RPS6KA2: variants seen among roughly 807,000 people sequenced by gnomAD.
RPS6KA2 encodes the protein ribosomal protein S6 kinase A2.
In RPS6KA2, 42 loss-of-function variants were observed where a neutral mutation model predicts 91.8. That is an observed-to-expected ratio of 0.46 (90% CI 0.36 to 0.59). The LOEUF (loss-of-function observed/expected upper bound fraction) is 0.59, where lower values mean the gene tolerates loss of function less well. Ranked by LOEUF, RPS6KA2 falls within the 20% of genes least tolerant of loss-of-function variation. RPS6KA2 has a pLI of 0.00. For synonymous variants in RPS6KA2, 414 were observed against 393.6 expected, an observed-to-expected ratio of 1.05 and a Z score of -0.61; for missense variants, 798 against 978.5, an observed-to-expected ratio of 0.82 and a Z score of 2.46.
At chr6:166,591,846 C>T (rs1053454211) in intron 1 of RPS6KA2, among the ~76,000 whole-genome samples, 15 of 152,202 alleles carry the variant, frequency 9.9e-5, no homozygotes, top group Admixed American at 9.2e-4. Flanking sequence ...TGGCCACCTT[C>T]AAGCCTGTGT....
intron 2 of RPS6KA2, among the ~76,000 whole-genome samples, chr6:166,660,422 G>C (rs1483526496): frequency 6.6e-6 from 1 of 151,562 alleles, no homozygotes. Context: ...GTGTGTGTGT[G>C]AGAGAGAGAG....
At position 166,648,171 on chromosome 6, in the gene RPS6KA2, TGCTC is replaced by T. The variant is rs1787719616; in HGVS notation, c.124-109391_124-109388del. 1.2e-5 allele frequency among the ~76,000 whole-genome samples: 1 copy of T among 80,892 alleles called. No homozygotes were observed. The highest frequency in any genetic ancestry group is 2.6e-5 in the Non-Finnish European group (1 of 38,746). 53.1% of individuals were successfully genotyped at this position (80,892 alleles called of 152,430 possible). On this transcript the variant is annotated intron_variant, in intron 2 of 21. Coordinates refer to the RPS6KA2 transcript ENST00000503859. The surrounding 1 kb of genome is among the most constrained non-coding windows in gnomAD (Gnocchi z 4.8). ...ACATGGTTACACACCCATGCACACATGCTCACACACATGCACACATGCTCATACA... is the reference window on the plus strand; with the variant it reads ...ACATGGTTACACACCCATGCACACATACACACATGCACACATGCTCATACA...
chr6:166,515,945 T>A (rs141428382), intron 3 of RPS6KA2, among the ~76,000 whole-genome samples: 1 of 152,340 alleles, frequency 6.6e-6, no homozygotes, highest in East Asian at 1.9e-4. Context: ...CCTTCCCCGC[T>A]GAAGACTGGA....
chr6:166,727,396 T>G (rs999390751), intron 2 of RPS6KA2, among the ~76,000 whole-genome samples: 1 of 151,830 alleles, frequency 6.6e-6, no homozygotes, highest in Non-Finnish European at 1.5e-5. Flanking sequence ...TTCCTGAGGT[T>G]TGGAAGATGG....
chr6:166,649,219 G>T (rs141058352), intron 2 of RPS6KA2, among the ~76,000 whole-genome samples: 1 of 151,906 alleles, frequency 6.6e-6, no homozygotes, highest in Non-Finnish European at 1.5e-5. Flanking sequence ...CTGCCCCTGC[G>T]CCCGTCTGCG....
Position 166,714,652 on chromosome 6 carries a change from G to T in RPS6KA2, c.123+143548C>A, listed in dbSNP as rs1009068820. Among the ~76,000 whole-genome samples the T allele has an allele frequency of 2.5e-4, 38 of 152,284 alleles. 1 individual carries two copies. Among genetic ancestry groups the T allele is most frequent in the African/African-American group, 8.9e-4 (37 of 41,564 alleles). On this transcript the variant is annotated intron_variant, in intron 2 of 21. Transcript: ENST00000503859. ...CGGGGCAATGCGTCCACAAGCCAAG[G>T]AGCACCCGAACCGCCTGAAGCACCA...
At chr6:166,580,013 A>G (rs1271231096) in intron 1 of RPS6KA2, among the ~76,000 whole-genome samples, 1 of 152,250 alleles carries the variant, frequency 6.6e-6, no homozygotes, top group East Asian at 1.9e-4. Flanking sequence ...CAAGTTCAGC[A>G]TTGAACATGC....
chr6:166,622,477 G>A (rs1465697095), intron 1 of RPS6KA2, among the ~76,000 whole-genome samples: 3 of 151,998 alleles, frequency 2.0e-5, no homozygotes, highest in Non-Finnish European at 4.4e-5. Context: ...ATTTCTTTGG[G>A]AGCATTTATT....
chr6:166,778,502 A>T (rs1778684083), intron 2 of RPS6KA2, among the ~76,000 whole-genome samples: 1 of 152,234 alleles, frequency 6.6e-6, no homozygotes, highest in Admixed American at 6.5e-5. Context: ...ATGGTGGCTC[A>T]CACCTGTAAT....
rs1163531283 is a variant in RPS6KA2, at chr6:166,538,795, G to A, written c.100-11C>T. On this transcript the variant is annotated splice_polypyrimidine_tract_variant and intron_variant, in intron 1 of 20. Transcript: ENST00000265678. Reference sequence around the variant, plus strand: ...CACGACGCCTTCTTCCTGCAAGAGAGCGGCACGGGTGAGAAACACACCGCG... The same window carrying A: ...CACGACGCCTTCTTCCTGCAAGAGAACGGCACGGGTGAGAAACACACCGCG... The A allele has an allele frequency of 2.7e-6, 4 of 1,467,802 alleles. No homozygotes were observed. In the African/African-American group the frequency reaches 4.1e-5, roughly 15 times the overall value. The allele number at this position is 1,467,802 out of a possible 1,614,324, so 90.9% of individuals were successfully genotyped here. A position where few individuals can be genotyped will look rare whatever the true frequency, so the allele number is the denominator to read the frequency against.
intron 2 of RPS6KA2, among the ~76,000 whole-genome samples, chr6:166,783,847 TACCACATATGC>T (rs1778849382): frequency 2.0e-5 from 1 of 49,974 alleles, no homozygotes; most frequent in Admixed American, 1.9e-4. Context: ...CACCTATCTA[TACCACATATGC>T]ACACGTGCAC....
chr6:166,654,127 C>T (rs1172497061), intron 2 of RPS6KA2, among the ~76,000 whole-genome samples: 2 of 152,224 alleles, frequency 1.3e-5, no homozygotes, highest in Non-Finnish European at 2.9e-5. Flanking sequence ...AAACACTTAC[C>T]TATACTTCAG....
At chr6:166,637,988 G>C (rs561269706) in intron 2 of RPS6KA2, among the ~76,000 whole-genome samples, 1 of 152,380 alleles carries the variant, frequency 6.6e-6, no homozygotes, top group African/African-American at 2.4e-5. Flanking sequence ...GGGGCCGGGA[G>C]CGTGGGAAAT....
At chr6:166,806,614 C>T (rs1779499449) in intron 2 of RPS6KA2, among the ~76,000 whole-genome samples, 1 of 152,040 alleles carries the variant, frequency 6.6e-6, no homozygotes, top group Non-Finnish European at 1.5e-5. Context: ...TGAGACCTGA[C>T]CTTCAAGAAA....
chr6:166,586,580 C>T lies in RPS6KA2; in HGVS notation c.99+40341G>A, dbSNP rs1431090246. The T allele has an allele frequency of 4.7e-5, 52 of 1,104,730 alleles. No individual in the cohort carries two copies. The South Asian group carries it at 5.9e-4, about 13-fold the overall frequency. 68.4% of individuals were successfully genotyped at this position (1,104,730 alleles called of 1,614,324 possible). Reference sequence around the variant, plus strand: ...TCCAGCTCAGGCCGAACCCCGCCGGCGAGACACTGAGAAGCCCAGGAGAGG... The same window carrying T: ...TCCAGCTCAGGCCGAACCCCGCCGGTGAGACACTGAGAAGCCCAGGAGAGG... On this transcript the variant is annotated intron_variant, in intron 1 of 20. Transcript: ENST00000265678.
chr6:166,705,451 A>C lies in RPS6KA2; in HGVS notation c.123+152749T>G, dbSNP rs989384689. Among the ~76,000 whole-genome samples the C allele has an allele frequency of 4.6e-5, 7 of 152,350 alleles. No individual in the cohort carries two copies. In the East Asian group the frequency reaches 9.6e-4, roughly 21 times the overall value. ...GCACAAACCCTTAGGGAACTAGAAG[A>C]AAAGTCGCTCAACTTGGTAAAGGCT... is the stretch of plus-strand genomic sequence containing the variant. On this transcript the variant is annotated intron_variant, in intron 2 of 21. Coordinates refer to the RPS6KA2 transcript ENST00000503859.
chr6:166,664,544 C>A (rs1261481742), intron 2 of RPS6KA2, among the ~76,000 whole-genome samples: 1 of 152,234 alleles, frequency 6.6e-6, no homozygotes. Flanking sequence ...AACATTTCTA[C>A]ACACTCACAC....
chr6:166,451,066 C>T, intron 13 of RPS6KA2, 37 bp downstream of exon 13: 1 of 1,612,306 alleles, frequency 6.2e-7, no homozygotes, highest in Non-Finnish European at 8.5e-7. Context: ...TCCAAGTGCC[C>T]TCTTACCCCC....
chr6:166,857,733 C>T (rs371659777), intron 2 of RPS6KA2, among the ~76,000 whole-genome samples: 1 of 152,188 alleles, frequency 6.6e-6, no homozygotes, highest in African/African-American at 2.4e-5. Flanking sequence ...GACTCCTCTC[C>T]GTCCACTGGA....
Sources: allele counts gnomAD v4.1 joint callset (sites outside exome capture counted in the v4.1 genomes callset), GRCh38; gene constraint gnomAD v4.1.1; non-coding constraint Gnocchi (gnomAD v3.1); transcripts MANE v1.5; gene names NCBI Gene and HGNC (gene_info 2026-07-23, HGNC 2026-07-21).